Variants in MAP2K1 observed in about 807,000 individuals in gnomAD.
MAP2K1 encodes dual specificity mitogen-activated protein kinase kinase 1.
In MAP2K1, 16 loss-of-function variants were observed where a neutral mutation model predicts 46.3. That is an observed-to-expected ratio of 0.35 (90% CI 0.23 to 0.52). The LOEUF (loss-of-function observed/expected upper bound fraction) is 0.52, where lower values mean the gene tolerates loss of function less well. MAP2K1 is among the 20% of genes least tolerant of loss of function. The pLI is 0.94. For synonymous variants in MAP2K1, 183 were observed against 185.6 expected (o/e 0.99, Z 0.11); for missense variants, 263 against 497.1 (o/e 0.53, Z 4.48).
chr15:66,467,998 C>G (rs1009561072), intron 5 of MAP2K1, among the ~76,000 whole-genome samples: 1 of 152,226 alleles, frequency 6.6e-6, no homozygotes, highest in Non-Finnish European at 1.5e-5. Context: ...AAAATGTACC[C>G]TGGCTATTCT....
At chr15:66,444,532 T>C in intron 4 of MAP2K1, 124 bp from the exon 5 acceptor site, 2 of 762,704 alleles carry the variant, frequency 2.6e-6, no homozygotes. Context: ...AAACTGCGTC[T>C]CAAAGGAGGA....
chr15:66,428,135 G>T (rs2093464309), intron 1 of MAP2K1, among the ~76,000 whole-genome samples: 1 of 152,082 alleles, frequency 6.6e-6, no homozygotes, highest in African/African-American at 2.4e-5. Flanking sequence ...TAAAAGCATA[G>T]TTGATGAATT....
rs910099707 is a variant in MAP2K1 at position 66,435,092 on chromosome 15, G to A, written c.146G>A (p.Arg49His). ...ELELDEQQRK[R>H]LEAFLTQKQK... ...GAGCTTGATGAGCAGCAGCGAAAGC[G>A]CCTTGAGGCCTTTCTTACCCAGAAG... The change falls in exon 2 of 11, where the codon CGC becomes CAC. Residue 49 changes from arginine (R) to histidine (H), a missense_variant. Arg to His is a conservative substitution (Grantham distance 29). This residue lies in a region of MAP2K1 where 103 missense variants were observed against 221.6 expected (regional missense o/e 0.46). Coordinates refer to ENST00000307102, the MANE Select transcript of MAP2K1 (RefSeq NM_002755.4). 5 of 1,614,100 alleles carry A rather than the reference G, an allele frequency of 3.1e-6. No individual in the cohort carries two copies. The highest frequency in any genetic ancestry group is 1.7e-5 in the Admixed American group (1 of 60,010).
chr15:66,466,991 C>T (rs556829498), intron 5 of MAP2K1, among the ~76,000 whole-genome samples: 1 of 151,924 alleles, frequency 6.6e-6, no homozygotes, highest in Non-Finnish European at 1.5e-5. Context: ...TAAAGAGAAA[C>T]TGCAGGGCTG....
chr15:66,487,029 G>A (rs529935958), intron 7 of MAP2K1, among the ~76,000 whole-genome samples, 199 bp from the exon 8 acceptor site: 1 of 152,112 alleles, frequency 6.6e-6, no homozygotes, highest in East Asian at 1.9e-4. Flanking sequence ...CAAAGGTTAC[G>A]AACTTAAGAT....
At chr15:66,428,213 A>G (rs1407064892) in intron 1 of MAP2K1, among the ~76,000 whole-genome samples, 1 of 151,438 alleles carries the variant, frequency 6.6e-6, no homozygotes. Context: ...GCACCCAGGA[A>G]TTCCCCTCCT....
intron 1 of MAP2K1, chr15:66,415,324 T>G (rs1376520530): frequency 3.2e-6 from 1 of 309,652 alleles, no homozygotes; most frequent in African/African-American, 2.3e-5. Flanking sequence ...CTCCTATTAC[T>G]TGAGAAATTC....
intron 5 of MAP2K1, among the ~76,000 whole-genome samples, chr15:66,480,875 C>T (rs1026800027): frequency 1.3e-5 from 2 of 152,160 alleles, no homozygotes; most frequent in African/African-American, 2.4e-5. Flanking sequence ...GGTTTGCTCA[C>T]CTATAAATGA....
At chr15:66,420,314 C>T (rs961617530) in intron 1 of MAP2K1, among the ~76,000 whole-genome samples, 1 of 152,042 alleles carries the variant, frequency 6.6e-6, no homozygotes, top group Middle Eastern at 3.4e-3. Context: ...CACCTGTAAT[C>T]CCAGCACTTT....
intron 1 of MAP2K1, among the ~76,000 whole-genome samples, chr15:66,395,206 A>G (rs144742234): frequency 2.6e-4 from 39 of 152,348 alleles, no homozygotes; most frequent in African/African-American, 8.9e-4. Context: ...GTATATGCCT[A>G]TGATGAAGTT....
At chr15:66,460,611 A>G (rs1354782393) in intron 5 of MAP2K1, among the ~76,000 whole-genome samples, 1 of 152,156 alleles carries the variant, frequency 6.6e-6, no homozygotes, top group African/African-American at 2.4e-5. Flanking sequence ...CAGGAAGTGG[A>G]TTTTATCATG....
At chr15:66,479,222 G>C (rs1428947855) in intron 5 of MAP2K1, among the ~76,000 whole-genome samples, 1 of 151,894 alleles carries the variant, frequency 6.6e-6, no homozygotes, top group Non-Finnish European at 1.5e-5. Context: ...TCAGCCTTCT[G>C]AGTAGCTGGG....
intron 1 of MAP2K1, among the ~76,000 whole-genome samples, chr15:66,392,244 G>GT (rs1555412512): frequency 3.2e-5 from 1 of 31,572 alleles, no homozygotes; most frequent in African/African-American, 1.0e-4. Flanking sequence ...ATATTTGTGT[G>GT]TTTTTTTTGG....
intron 5 of MAP2K1, among the ~76,000 whole-genome samples, chr15:66,477,975 A>G (rs1892797591): frequency 6.6e-6 from 1 of 152,028 alleles, no homozygotes; most frequent in African/African-American, 2.4e-5. Context: ...ATGAGGAGGT[A>G]CACCTCCAAC....
At chr15:66,430,538 G>A (rs545436202) in intron 1 of MAP2K1, among the ~76,000 whole-genome samples, 1 of 152,266 alleles carries the variant, frequency 6.6e-6, no homozygotes, top group South Asian at 2.1e-4. Context: ...CCTTAGGCCA[G>A]CCTCTAAATT....
intron 10 of MAP2K1, 33 bp downstream of exon 10, chr15:66,489,796 C>G: frequency 6.4e-7 from 1 of 1,564,612 alleles, no homozygotes; most frequent in Non-Finnish European, 8.8e-7. Context: ...CTTACAGTAC[C>G]TGTTTATTCA....
chr15:66,430,365 T>C (rs893180733), intron 1 of MAP2K1, among the ~76,000 whole-genome samples: 1 of 152,218 alleles, frequency 6.6e-6, no homozygotes, highest in African/African-American at 2.4e-5. Context: ...TCCTCTTCCC[T>C]TCCTGCAGTG....
chr15:66,482,759 T>C (rs35290772), intron 6 of MAP2K1, among the ~76,000 whole-genome samples: 1 of 152,070 alleles, frequency 6.6e-6, no homozygotes, highest in Non-Finnish European at 1.5e-5. Flanking sequence ...GGAGGGTACA[T>C]GGATAAAACA....
intron 1 of MAP2K1, among the ~76,000 whole-genome samples, chr15:66,398,100 TA>T (rs879672695): frequency 1.8e-3 from 247 of 140,278 alleles, no homozygotes; most frequent in Non-Finnish European, 2.4e-3. Context: ...AGATTCCATC[TA>T]AAAAAAAAAA....
Sources: gnomAD v4.1 joint callset for allele counts (sites outside exome capture counted in the v4.1 genomes callset) on GRCh38, gnomAD v4.1.1 for gene constraint, gnomAD v4.1.1 regional missense constraint, MANE v1.5 for transcripts, NCBI Gene and HGNC (gene_info 2026-07-23, HGNC 2026-07-21) for gene names.